The following PRKCI variants were observed in gnomAD, a reference collection of about 807,000 sequenced individuals.
The protein encoded by PRKCI is protein kinase C iota type.
A neutral mutation model predicts 84.0 loss-of-function variants in PRKCI; 43 were observed. The observed-to-expected ratio is 0.51, with a 90% CI of 0.40 to 0.66. The LOEUF is 0.66. Among genes scored for constraint, PRKCI ranks in the 30% least tolerant of loss-of-function variants. The pLI, the probability that PRKCI is intolerant of heterozygous loss-of-function variation, is 0.00. For missense variants in PRKCI, 459 were observed against 745.6 expected, an observed-to-expected ratio of 0.62 and a Z score of 4.48; for synonymous variants, 216 against 234.4, an observed-to-expected ratio of 0.92 and a Z score of 0.72.
At chr3:170,291,779 T>C (rs1052923987) in intron 12 of PRKCI, 75 bp from the exon 13 acceptor site, 21 of 1,121,912 alleles carry the variant, frequency 1.9e-5, no homozygotes, top group Non-Finnish European at 2.6e-5. Flanking sequence ...ACTTATATGA[T>C]AGGTGAAATA....
intron 12 of PRKCI, among the ~76,000 whole-genome samples, chr3:170,290,641 A>T (rs1734528486): frequency 6.6e-6 from 1 of 152,022 alleles, no homozygotes; most frequent in African/African-American, 2.4e-5. Flanking sequence ...TCTCATATTA[A>T]CTTCTCCTAT....
At chr3:170,235,169 A>T in intron 1 of PRKCI, 61 bp from the exon 2 acceptor site, 1 of 1,526,920 alleles carries the variant, frequency 6.5e-7, no homozygotes, top group Non-Finnish European at 9.0e-7. Context: ...AGCATTCAGT[A>T]ATATATACAG....
Position 170,278,060 on chromosome 3 carries a change from C to T in PRKCI, c.706-2167C>T, listed in dbSNP as rs1228181509. On this transcript the variant is annotated intron_variant, in intron 8 of 17. Transcript: ENST00000295797. ...TTTTCTTTCACTTTCACTTTGTGAG[C>T]TACTTTTGCAGGATAGAGAATTCTA... 2.0e-5 allele frequency among the ~76,000 whole-genome samples: 3 copies of T among 152,164 alleles called. No homozygotes were observed. In the East Asian group the frequency reaches 5.8e-4, roughly 29 times the overall value.
intron 1 of PRKCI, among the ~76,000 whole-genome samples, chr3:170,224,577 G>A (rs1048313159): frequency 1.3e-5 from 2 of 152,186 alleles, no homozygotes; most frequent in East Asian, 3.9e-4. Context: ...ATGCTGGAGT[G>A]CAGTGGCACA....
intron 2 of PRKCI, among the ~76,000 whole-genome samples, chr3:170,256,615 TC>T (rs1466728074): frequency 6.6e-5 from 10 of 152,180 alleles, no homozygotes; most frequent in Non-Finnish European, 1.5e-4. Flanking sequence ...TTCAAAAAAA[TC>T]AAGTTTACAT....
intron 8 of PRKCI, among the ~76,000 whole-genome samples, chr3:170,278,882 C>A (rs1054737481): frequency 6.6e-5 from 10 of 152,138 alleles, no homozygotes; most frequent in Admixed American, 4.6e-4. Context: ...TGAACTCACT[C>A]ATTACACAGG....
intron 17 of PRKCI, 78 bp from the exon 18 acceptor site, chr3:170,302,961 AT>A (rs1202006343): frequency 9.8e-7 from 1 of 1,018,962 alleles, no homozygotes; most frequent in African/African-American, 1.7e-5. Context: ...TAATTACTTG[AT>A]TTTTAATCTT....
chr3:170,273,325 G>C lies in PRKCI; in HGVS notation c.631G>C (p.Asp211His). Residue 211 changes from aspartate to histidine, a missense_variant, in exon 7 of 18, where the codon GAC becomes CAC. Physicochemically the swap from Asp to His is moderately conservative, Grantham distance 81 (BLOSUM62 -1). Coordinates refer to ENST00000295797, the MANE Select transcript of PRKCI (RefSeq NM_002740.6). ...MPMDQSSMHS[D>H]HAQTVIPYNP... ...CATGGATCAGTCATCCATGCATTCT[G>C]ACCATGCACAGACAGGTAAGAGTGG... The C allele has an allele frequency of 1.2e-6, 2 of 1,613,672 alleles. No individual in the cohort carries two copies. Among genetic ancestry groups the C allele is most frequent in the Non-Finnish European group, 1.7e-6 (2 of 1,179,730 alleles).
chr3:170,239,852 C>A (rs192268111), intron 2 of PRKCI, among the ~76,000 whole-genome samples: 1 of 151,436 alleles, frequency 6.6e-6, no homozygotes, highest in Non-Finnish European at 1.5e-5. Context: ...ATACTATGCT[C>A]AAAAAATATT....
chr3:170,275,191 T>TC, intron 7 of PRKCI, 38 bp from the exon 8 acceptor site: 1 of 1,327,126 alleles, frequency 7.5e-7, no homozygotes, highest in Non-Finnish European at 9.8e-7. Context: ...CTGCACCTTT[T>TC]TTTTTTTTTT....
In PRKCI at chr3:170,270,456, G is replaced by A; in HGVS notation, c.486G>A (p.Trp162Ter). 1 of 1,613,612 alleles carries A rather than the reference G, an allele frequency of 6.2e-7. No homozygotes were observed. Among genetic ancestry groups the A allele is most frequent in the Non-Finnish European group, 8.5e-7 (1 of 1,179,822 alleles). ...AHCAICTDRI[W>*]GLGRQGYKCI... ...GTGCCATCTGCACAGACCGAATATG[G>A]GGACTTGGACGCCAAGGATATAAGT... Residue 162 changes from tryptophan (W) to a stop codon, truncating the protein, a stop_gained, in exon 6 of 18, where the codon TGG becomes TGA. Transcript: ENST00000295797. LOFTEE classifies it high-confidence loss of function.
chr3:170,253,534 G>A (rs1035365622), intron 2 of PRKCI, among the ~76,000 whole-genome samples: 3 of 152,210 alleles, frequency 2.0e-5, no homozygotes, highest in African/African-American at 4.8e-5. Flanking sequence ...GCTCACGCCT[G>A]TAATCCCAGC....
At chr3:170,284,810 C>A (rs1434345676) in intron 12 of PRKCI, among the ~76,000 whole-genome samples, 1 of 152,058 alleles carries the variant, frequency 6.6e-6, no homozygotes, top group African/African-American at 2.4e-5. Context: ...GAGCTAATTT[C>A]TTTTTATTAT....
At chr3:170,233,807 G>A (rs759930586) in intron 1 of PRKCI, among the ~76,000 whole-genome samples, 1 of 151,470 alleles carries the variant, frequency 6.6e-6, no homozygotes, top group African/African-American at 2.4e-5. Flanking sequence ...TGCAGCCTCC[G>A]CCTCCTGGGT....
In PRKCI at chr3:170,288,096, A is replaced by AG. The variant is rs764668791; in HGVS notation, c.1203+3500_1203+3501insG. On this transcript the variant is annotated intron_variant, in intron 12 of 17. Transcript: ENST00000295797. ...CCGTCTCTACTAAAAATACAAAAAA[A>AG]TTAGCCAGGCGTGGTGGCGGACGCC... 1.4e-4 allele frequency among the ~76,000 whole-genome samples: 21 copies of AG among 151,692 alleles called. No homozygotes were observed. The East Asian group carries it at 3.9e-3, about 28-fold the overall frequency.
intron 2 of PRKCI, among the ~76,000 whole-genome samples, chr3:170,245,489 T>C (rs1733252079): frequency 6.6e-6 from 1 of 152,174 alleles, no homozygotes; most frequent in Admixed American, 6.5e-5. Context: ...CAAGAGAGGC[T>C]ATGGGGGTCT....
intron 4 of PRKCI, among the ~76,000 whole-genome samples, chr3:170,264,231 C>CTT (rs572497373): frequency 1.9e-4 from 28 of 144,170 alleles, no homozygotes; most frequent in African/African-American, 6.6e-4. Flanking sequence ...TAGGAATTGG[C>CTT]TTTTTTTTTT....
chr3:170,232,945 A>G (rs185656370), intron 1 of PRKCI, among the ~76,000 whole-genome samples: 2 of 152,052 alleles, frequency 1.3e-5, no homozygotes, highest in African/African-American at 2.4e-5. Context: ...CATATTTCAC[A>G]ATTGTTATTT....
chr3:170,265,314 C>A (rs1733831889), intron 4 of PRKCI, among the ~76,000 whole-genome samples: 1 of 152,138 alleles, frequency 6.6e-6, no homozygotes, highest in South Asian at 2.1e-4. Flanking sequence ...GTTTGAGAAC[C>A]ACCATTTAAA....
Sources: allele counts gnomAD v4.1 joint callset (sites outside exome capture counted in the v4.1 genomes callset), GRCh38; gene constraint gnomAD v4.1.1; transcripts MANE v1.5; gene names NCBI Gene and HGNC (gene_info 2026-07-23, HGNC 2026-07-21).